SUCLG2: variants seen among roughly 807,000 people sequenced by gnomAD.
The protein encoded by SUCLG2 is succinate-CoA ligase GDP-forming subunit beta.
In SUCLG2, 42 loss-of-function variants were observed where a neutral mutation model predicts 47.9. The observed-to-expected ratio is 0.88, with a 90% confidence interval of 0.69 to 1.14. The LOEUF is 1.14. Among genes scored for constraint, SUCLG2 ranks in the 50% most tolerant of loss-of-function variants. The pLI, the probability that SUCLG2 is intolerant of heterozygous loss-of-function variation, is 0.00. For synonymous variants in SUCLG2, 195 were observed against 197.3 expected (o/e 0.99, Z 0.10); for missense variants, 571 against 525.9 (o/e 1.09, Z -0.84).
intron 10 of SUCLG2, among the ~76,000 whole-genome samples, chr3:67,381,336 G>A (rs1702154189): frequency 6.6e-6 from 1 of 152,074 alleles, no homozygotes; most frequent in African/African-American, 2.4e-5. Flanking sequence ...TTTGCAAAAT[G>A]ATATTATTTG....
intron 9 of SUCLG2, among the ~76,000 whole-genome samples, chr3:67,491,217 G>A (rs1342903085): frequency 6.8e-6 from 1 of 146,024 alleles, no homozygotes; most frequent in Admixed American, 6.8e-5. Context: ...CTACTCAGGA[G>A]GCTAAGTCAG....
intron 2 of SUCLG2, among the ~76,000 whole-genome samples, chr3:67,545,548 GGGGA>G (rs1706841190): frequency 6.6e-6 from 1 of 152,174 alleles, no homozygotes; most frequent in Non-Finnish European, 1.5e-5. Flanking sequence ...TAAACACAGA[GGGGA>G]CTTTAGATTA....
rs1705457486 is a variant in SUCLG2, at chr3:67,500,132, ACT to A, written c.758-1839_758-1838del. ...CTCCAGCATTGCTGACAGGCACCTG[ACT>A]CTTGAAAGGGAAACAGCCACAGAAC... On this transcript the variant is annotated intron_variant, in intron 7 of 10. Coordinates refer to ENST00000307227, the MANE Select transcript of SUCLG2 (RefSeq NM_003848.4). Among the ~76,000 whole-genome samples the A allele has an allele frequency of 7.9e-5, 12 of 152,242 alleles. No individual in the cohort carries two copies. The South Asian group carries it at 2.5e-3, about 32-fold the overall frequency.
At chr3:67,449,441 C>A (rs1031873011) in intron 9 of SUCLG2, among the ~76,000 whole-genome samples, 2 of 152,074 alleles carry the variant, frequency 1.3e-5, no homozygotes, top group African/African-American at 4.8e-5. Flanking sequence ...ATACAAAGAG[C>A]AGAGGGTGAA....
At chr3:67,367,966 CAA>C (rs1199222987) in intron 10 of SUCLG2, among the ~76,000 whole-genome samples, 1 of 152,066 alleles carries the variant, frequency 6.6e-6, no homozygotes, top group Non-Finnish European at 1.5e-5. Context: ...CATTCTTTCA[CAA>C]AAACGTATAT....
intron 9 of SUCLG2, among the ~76,000 whole-genome samples, chr3:67,464,829 G>A (rs766664671): frequency 6.6e-6 from 1 of 152,186 alleles, no homozygotes; most frequent in Non-Finnish European, 1.5e-5. Context: ...GAGATTGGTG[G>A]ATCAGTCTTC....
chr3:67,612,375 T>TG (rs5849771), intron 1 of SUCLG2, among the ~76,000 whole-genome samples: 18 of 42,386 alleles, frequency 4.2e-4, no homozygotes, highest in African/African-American at 2.6e-3. Flanking sequence ...CAAAAAAAAA[T>TG]GTGATACATC....
chr3:67,614,687 T>C (rs982884811), intron 1 of SUCLG2, among the ~76,000 whole-genome samples: 3 of 152,094 alleles, frequency 2.0e-5, no homozygotes, highest in Admixed American at 6.5e-5. Context: ...TGGGACCCTA[T>C]ACTGGAGAAG....
chr3:67,497,170 C>A (rs1332865181), intron 8 of SUCLG2, among the ~76,000 whole-genome samples: 2 of 152,138 alleles, frequency 1.3e-5, no homozygotes, highest in African/African-American at 4.8e-5. Context: ...AAAGCAAGAG[C>A]TTTTGGTATC....
intron 2 of SUCLG2, among the ~76,000 whole-genome samples, chr3:67,586,277 G>A (rs919344007): frequency 2.0e-5 from 3 of 152,178 alleles, no homozygotes; most frequent in African/African-American, 7.2e-5. Context: ...GATTCACAAG[G>A]CAGAAACTTG....
chr3:67,372,018 A>C (rs193241387), downstream of SUCLG2, among the ~76,000 whole-genome samples: 23 of 152,308 alleles, frequency 1.5e-4, no homozygotes, highest in East Asian at 4.4e-3. Flanking sequence ...AGTGAAAGTA[A>C]CGCATCCTAA....
At chr3:67,500,639 A>T (rs2107075543) in intron 7 of SUCLG2, among the ~76,000 whole-genome samples, 1 of 152,326 alleles carries the variant, frequency 6.6e-6, no homozygotes, top group East Asian at 1.9e-4. Context: ...ATAATAATCA[A>T]TAAAAAAGCA....
At chr3:67,542,429 G>A (rs1706744122) in intron 2 of SUCLG2, among the ~76,000 whole-genome samples, 1 of 152,038 alleles carries the variant, frequency 6.6e-6, no homozygotes, top group Non-Finnish European at 1.5e-5. Flanking sequence ...CAACTAACGG[G>A]CAAAATAACC....
At chr3:67,404,968 AT>A (rs35223699) in intron 9 of SUCLG2, among the ~76,000 whole-genome samples, 7,283 of 134,752 alleles carry the variant, frequency 0.054, 569 homozygotes, top group African/African-American at 0.18. Flanking sequence ...GGCAAAGAGA[AT>A]TTTTTTTTTT....
At chr3:67,366,111 T>C (rs1701871436) in intron 10 of SUCLG2, among the ~76,000 whole-genome samples, 1 of 152,184 alleles carries the variant, frequency 6.6e-6, no homozygotes, top group African/African-American at 2.4e-5. Context: ...ACATGTGGTA[T>C]GATCATCATC....
chr3:67,407,344 T>A (rs1236909916), intron 9 of SUCLG2, among the ~76,000 whole-genome samples: 1 of 152,226 alleles, frequency 6.6e-6, no homozygotes, highest in African/African-American at 2.4e-5. Flanking sequence ...TTACGTTGTC[T>A]TTCTTTGTTG....
At chr3:67,369,608 G>A (rs1701924564) in intron 10 of SUCLG2, among the ~76,000 whole-genome samples, 1 of 152,210 alleles carries the variant, frequency 6.6e-6, no homozygotes, top group African/African-American at 2.4e-5. Context: ...GTTCCGCTGG[G>A]CCTGTGTGCA....
chr3:67,649,340 A>G (rs1701246202), intron 1 of SUCLG2, among the ~76,000 whole-genome samples: 1 of 152,180 alleles, frequency 6.6e-6, no homozygotes, highest in Non-Finnish European at 1.5e-5. Flanking sequence ...TCCTGTCTGC[A>G]TTCACTCAGT....
At chr3:67,618,478 G>GTT (rs1700671088) in intron 1 of SUCLG2, among the ~76,000 whole-genome samples, 1 of 152,032 alleles carries the variant, frequency 6.6e-6, no homozygotes, top group Non-Finnish European at 1.5e-5. Context: ...TTTGAACTAG[G>GTT]TTATCCCCAT....
Sources: gnomAD v4.1 joint callset for allele counts (sites outside exome capture counted in the v4.1 genomes callset) on GRCh38, gnomAD v4.1.1 for gene constraint, MANE v1.5 for transcripts, NCBI Gene and HGNC (gene_info 2026-07-23, HGNC 2026-07-21) for gene names.